Variants in PDZD4 observed in about 807,000 individuals in gnomAD.
PDZD4 encodes PDZ domain-containing protein 4.
A neutral mutation model predicts 38.5 loss-of-function variants in PDZD4; 9 were observed. The ratio of observed to expected loss-of-function variants is 0.23; its 90% confidence interval spans 0.14 to 0.41. The LOEUF (loss-of-function observed/expected upper bound fraction) is 0.41, where lower values mean the gene tolerates loss of function less well. Ranked by LOEUF, PDZD4 falls within the 10% of genes least tolerant of loss-of-function variation. The probability of loss-of-function intolerance (pLI) is 1.00; values close to 1 mark genes in which losing one functional copy is unlikely to be tolerated. For missense variants in PDZD4, 612 were observed against 722.0 expected (o/e 0.85, Z 1.75); for synonymous variants, 349 against 315.7 (o/e 1.11, Z -1.12).
intron 1 of PDZD4, among the ~76,000 whole-genome samples, chrX:153,814,731 TC>T (rs781833782): frequency 3.6e-5 from 4 of 110,734 alleles, no homozygotes; most frequent in East Asian, 2.9e-4. Flanking sequence ...ATGCCCCTTG[TC>T]CCCCCTCGCC....
At position 153,806,831 on chromosome X, in the gene PDZD4, G is replaced by A. The variant is rs2064255151; in HGVS notation, c.415C>T (p.Leu139=). 1 of 1,207,824 alleles carries A rather than the reference G, an allele frequency of 8.3e-7. No individual in the cohort carries two copies. Among genetic ancestry groups the A allele is most frequent in the South Asian group, 1.8e-5 (1 of 56,752 alleles). The change falls in exon 4 of 8, where the codon CTG becomes TTG. Residue 139 remains leucine (L), a synonymous_variant. Coordinates refer to ENST00000393758, the MANE Select transcript of PDZD4 (RefSeq NM_001303512.2). ...TTGTCCCGGTGGCTGCTTTTATACA[G>A]CTCCACCTCCTGCCACGAGGGGTCC... The part of the protein sequence containing the change: ...LDELEYEEVE[L]YKSSHRDKLG...
chrX:153,810,839 C>T (rs1557078637), intron 1 of PDZD4, among the ~76,000 whole-genome samples: 1 of 112,824 alleles, frequency 8.9e-6, no homozygotes. Flanking sequence ...TTCTATTTGA[C>T]TATGTCCTTG....
chrX:153,807,898 C>T (rs782601443), intron 2 of PDZD4: 472 of 981,335 alleles, frequency 4.8e-4, no homozygotes, highest in Non-Finnish European at 5.6e-4. Flanking sequence ...AGCGCTCACG[C>T]GGTCATGAGC....
intron 1 of PDZD4, among the ~76,000 whole-genome samples, chrX:153,810,012 T>A (rs1445824152): frequency 8.9e-6 from 1 of 112,530 alleles, no homozygotes; most frequent in African/African-American, 3.2e-5. Flanking sequence ...GCTGCGACCT[T>A]CAAGTCCTCC....
chrX:153,812,615 C>G (rs1384767702), intron 1 of PDZD4, among the ~76,000 whole-genome samples: 1 of 111,097 alleles, frequency 9.0e-6, no homozygotes, highest in Non-Finnish European at 1.9e-5. Context: ...CTCGCTCTCT[C>G]TCTCTCTCCT....
chrX:153,807,914 G>A (rs782367218), intron 2 of PDZD4: 1 of 983,747 alleles, frequency 1.0e-6, no homozygotes, highest in African/African-American at 2.0e-5. Flanking sequence ...TGAGCCACCA[G>A]GCCTGGATGA....
Position 153,804,151 on chromosome X carries a change from C to G in PDZD4, c.1530G>C (p.Arg510=). 8.6e-7 allele frequency: 1 copy of G among 1,160,559 alleles called. No homozygotes were observed. The highest frequency in any genetic ancestry group is 1.8e-5 in the African/African-American group (1 of 56,817). The part of the protein sequence containing the change: ...RAMAGNSNLN[R]TPPGPAVATP... ...TGGCAACAGCGGGGCCGGGAGGGGT[C>G]CGGTTCAAGTTGGAGTTGCCGGCCA... The change falls in exon 8 of 8, where the codon CGG becomes CGC. Residue 510 remains arginine (R), a synonymous_variant. Coordinates refer to ENST00000393758, the MANE Select transcript of PDZD4 (RefSeq NM_001303512.2).
chrX:153,819,104 G>C (rs1446592304), intron 1 of PDZD4, among the ~76,000 whole-genome samples: 1 of 112,645 alleles, frequency 8.9e-6, no homozygotes, highest in Non-Finnish European at 1.9e-5. Flanking sequence ...GACAAAGAGC[G>C]CGCCGCGACG....
intron 1 of PDZD4, among the ~76,000 whole-genome samples, chrX:153,811,137 CTGT>C (rs2064306441): frequency 9.5e-6 from 1 of 105,762 alleles, no homozygotes; most frequent in Non-Finnish European, 1.9e-5. Context: ...CCACACCCAG[CTGT>C]TGTTTTTTTT....
intron 1 of PDZD4, among the ~76,000 whole-genome samples, chrX:153,814,480 A>ACCCCCCCCCCC (rs35283380): frequency 2.0e-4 from 11 of 53,848 alleles, no homozygotes; most frequent in Non-Finnish European, 2.5e-4. Flanking sequence ...TCCACCCCCC[A>ACCCCCCCCCCC]CCCCCCCCCC....
In PDZD4 at chrX:153,828,291, C is replaced by T. The variant is rs2064502568; in HGVS notation, c.60+1948G>A. ...GCTTTCCGTATCTACTTTTTTCAGT[C>T]CTCTTGTTTTCCCTTAGTTGTGAAG... On this transcript the variant is annotated intron_variant, in intron 1 of 7. Coordinates refer to ENST00000393758, the MANE Select transcript of PDZD4 (RefSeq NM_001303512.2). 3.6e-5 allele frequency among the ~76,000 whole-genome samples: 4 copies of T among 112,562 alleles called. No individual in the cohort carries two copies. The South Asian group carries it at 1.1e-3, about 31-fold the overall frequency.
Position 153,819,523 on chromosome X carries a change from C to G in PDZD4, c.60+10716G>C, listed in dbSNP as rs782624049. ...GCTGCCACGGAGGTGGGGGGGCTGC[C>G]ACCTTCGGACTCCCCTTACCCCACT... On this transcript the variant is annotated intron_variant, in intron 1 of 7. Coordinates refer to ENST00000393758, the MANE Select transcript of PDZD4 (RefSeq NM_001303512.2). Among the ~76,000 whole-genome samples the G allele has an allele frequency of 3.6e-5, 4 of 112,271 alleles. No homozygotes were observed. The East Asian group carries it at 1.1e-3, about 32-fold the overall frequency.
chrX:153,818,059 A>C (rs1430563188), intron 1 of PDZD4, among the ~76,000 whole-genome samples: 1 of 112,333 alleles, frequency 8.9e-6, no homozygotes, highest in Non-Finnish European at 1.9e-5. Context: ...CAGCTTGGCC[A>C]ACATGGCGAA....
intron 5 of PDZD4, 137 bp downstream of exon 5, chrX:153,805,934 G>A: frequency 1.5e-6 from 1 of 664,501 alleles, no homozygotes; most frequent in East Asian, 3.5e-5. Flanking sequence ...ACTCAGCCCG[G>A]GTTTAGGACA....
chrX:153,820,278 C>T (rs1022574531), intron 1 of PDZD4, among the ~76,000 whole-genome samples: 3 of 91,177 alleles, frequency 3.3e-5, no homozygotes, highest in African/African-American at 1.3e-4. Flanking sequence ...ACCCGGGTGG[C>T]GGAGGAGGTT....
At position 153,804,347 on chromosome X, in the gene PDZD4, C is replaced by G. The variant is rs782223538; in HGVS notation, c.1334G>C (p.Ser445Thr). 4.1e-6 allele frequency: 5 copies of G among 1,207,787 alleles called. No individual in the cohort carries two copies. In the East Asian group the frequency reaches 1.5e-4, roughly 36 times the overall value. Residue 445 changes from serine to threonine, a missense_variant, in exon 8 of 8, where the codon AGC becomes ACC. Physicochemically the swap from Ser to Thr is moderately conservative, Grantham distance 58 (BLOSUM62 1). Coordinates refer to ENST00000393758, the MANE Select transcript of PDZD4 (RefSeq NM_001303512.2). ...CTCGCTGGCCGCCAGGTCGTAGAGG[C>G]TCTCCTCCTCCAGCAGCCAGGCCTT... ...CMKAWLLEEE[S>T]LYDLAASEPK...
At chrX:153,822,874 A>G (rs1332319796) in intron 1 of PDZD4, among the ~76,000 whole-genome samples, 5 of 110,216 alleles carry the variant, frequency 4.5e-5, no homozygotes, top group African/African-American at 1.7e-4. Flanking sequence ...CAAGGTCTCA[A>G]TATGTTGCCC....
chrX:153,813,421 G>C (rs1244624808), intron 1 of PDZD4, among the ~76,000 whole-genome samples: 1 of 112,264 alleles, frequency 8.9e-6, no homozygotes, highest in Non-Finnish European at 1.9e-5. Context: ...ATGCCCTTCA[G>C]AACCACCACC....
intron 1 of PDZD4, among the ~76,000 whole-genome samples, chrX:153,826,732 A>C (rs984115412): frequency 2.7e-5 from 3 of 112,328 alleles, no homozygotes; most frequent in Non-Finnish European, 5.6e-5. Flanking sequence ...ATTTCTATAC[A>C]GTAGCAATGA....
Sources: allele counts gnomAD v4.1 joint callset (sites outside exome capture counted in the v4.1 genomes callset), GRCh38; gene constraint gnomAD v4.1.1; transcripts MANE v1.5; gene names NCBI Gene and HGNC (gene_info 2026-07-23, HGNC 2026-07-21).